The following C1QTNF3 variants were observed in gnomAD, a reference collection of about 807,000 sequenced individuals.
The protein encoded by C1QTNF3 is complement C1q tumor necrosis factor-related protein 3.
A neutral mutation model predicts 32.6 loss-of-function variants in C1QTNF3; 26 were observed. That is an observed-to-expected ratio of 0.80 (90% CI 0.58 to 1.11). The LOEUF (loss-of-function observed/expected upper bound fraction) is 1.11, where lower values mean the gene tolerates loss of function less well. Ranked by LOEUF, C1QTNF3 falls within the 50% of genes least tolerant of loss-of-function variation. The probability of loss-of-function intolerance (pLI) is 0.00; values close to 1 mark genes in which losing one functional copy is unlikely to be tolerated. For synonymous variants in C1QTNF3, 155 were observed against 146.0 expected, an observed-to-expected ratio of 1.06 and a Z score of -0.44; for missense variants, 362 against 398.2, an observed-to-expected ratio of 0.91 and a Z score of 0.77.
At chr5:34,123,216 C>A in the C1QTNF3 span, among the ~76,000 whole-genome samples, 1 of 152,108 alleles carries the variant, frequency 6.6e-6, no homozygotes, top group Non-Finnish European at 1.5e-5. Flanking sequence ...GCCAGCAGAG[C>A]CATGGGGGCA....
the C1QTNF3 span, among the ~76,000 whole-genome samples, chr5:34,162,132 TCATAA>T: frequency 3.9e-5 from 6 of 152,152 alleles, no homozygotes; most frequent in Admixed American, 6.6e-5. Flanking sequence ...CATTTTATAC[TCATAA>T]CAGACTCTCA....
the C1QTNF3 span, among the ~76,000 whole-genome samples, chr5:34,240,023 T>C: frequency 6.6e-6 from 1 of 152,152 alleles, no homozygotes; most frequent in Admixed American, 6.5e-5. Flanking sequence ...TCAAACAACT[T>C]TCTCCTGAAT....
intron 1 of C1QTNF3, among the ~76,000 whole-genome samples, chr5:34,040,255 C>A (rs762721153): frequency 1.3e-5 from 2 of 152,068 alleles, no homozygotes; most frequent in Non-Finnish European, 2.9e-5. Flanking sequence ...TTGCAGCATG[C>A]GAGAAAGAGT....
chr5:34,052,707 C>G, the C1QTNF3 span, among the ~76,000 whole-genome samples: 1 of 152,110 alleles, frequency 6.6e-6, no homozygotes, highest in African/African-American at 2.4e-5. Context: ...TGCCTGGCAC[C>G]CACTCACTGT....
At chr5:34,216,007 T>C in the C1QTNF3 span, among the ~76,000 whole-genome samples, 3 of 152,332 alleles carry the variant, frequency 2.0e-5, no homozygotes, top group African/African-American at 7.2e-5. Context: ...CTGTGATTAC[T>C]GTGGTCACCA....
chr5:34,021,755 G>A (rs901185664), intron 5 of C1QTNF3, among the ~76,000 whole-genome samples: 1 of 152,164 alleles, frequency 6.6e-6, no homozygotes, highest in Non-Finnish European at 1.5e-5. Flanking sequence ...CACACACCAG[G>A]ACCTGTGGCA....
At chr5:34,068,830 T>C in the C1QTNF3 span, among the ~76,000 whole-genome samples, 1 of 152,168 alleles carries the variant, frequency 6.6e-6, no homozygotes, top group Non-Finnish European at 1.5e-5. Context: ...CTTGGCAACA[T>C]AGGTATGTCC....
chr5:34,114,493 G>C, the C1QTNF3 span, among the ~76,000 whole-genome samples: 1 of 151,938 alleles, frequency 6.6e-6, no homozygotes, highest in South Asian at 2.1e-4. Flanking sequence ...AAATCACTGA[G>C]ACATCTATGT....
the C1QTNF3 span, among the ~76,000 whole-genome samples, chr5:34,205,422 T>C: frequency 3.2e-4 from 49 of 152,208 alleles, no homozygotes; most frequent in African/African-American, 8.9e-4. Flanking sequence ...TGGGAGGGGA[T>C]TGGATTATGG....
the C1QTNF3 span, among the ~76,000 whole-genome samples, chr5:34,121,775 T>TG: frequency 6.6e-6 from 1 of 152,152 alleles, no homozygotes; most frequent in East Asian, 1.9e-4. Flanking sequence ...CCCAAAATGA[T>TG]GGTATAAGGA....
At chr5:34,056,471 TATATATATAG>T in the C1QTNF3 span, among the ~76,000 whole-genome samples, 21 of 110,104 alleles carry the variant, frequency 1.9e-4, no homozygotes, top group Admixed American at 5.0e-4. Context: ...TATATATATA[TATATATATAG>T]AGAGAGAGAG....
the C1QTNF3 span, among the ~76,000 whole-genome samples, chr5:34,171,548 A>C: frequency 6.6e-6 from 1 of 152,088 alleles, no homozygotes; most frequent in Non-Finnish European, 1.5e-5. Flanking sequence ...TAACTTTCAC[A>C]TCTAAAACCA....
chr5:34,084,799 T>G, the C1QTNF3 span, among the ~76,000 whole-genome samples: 2 of 112,496 alleles, frequency 1.8e-5, no homozygotes, highest in South Asian at 5.1e-4. Context: ...GTTTTTTTTT[T>G]GTTTTTTTTG....
the C1QTNF3 span, among the ~76,000 whole-genome samples, chr5:34,113,062 T>G: frequency 1.3e-5 from 2 of 149,640 alleles, no homozygotes; most frequent in African/African-American, 4.9e-5. Context: ...AGACTTCTGT[T>G]ATATAAGAGA....
the C1QTNF3 span, among the ~76,000 whole-genome samples, chr5:34,119,395 C>A: frequency 0.059 from 8,939 of 152,228 alleles, 821 homozygotes; most frequent in African/African-American, 0.19. Context: ...GGACATAGTG[C>A]CATAGAGATT....
At chr5:34,193,612 TC>T in the C1QTNF3 span, 2 of 670,844 alleles carry the variant, frequency 3.0e-6, no homozygotes, top group East Asian at 3.1e-5. Context: ...GTTGGTTTTT[TC>T]TCTTTTTTTT....
At chr5:34,171,582 CA>C in the C1QTNF3 span, among the ~76,000 whole-genome samples, 2 of 152,030 alleles carry the variant, frequency 1.3e-5, no homozygotes, top group African/African-American at 4.8e-5. Context: ...AATAAGTTTA[CA>C]AGGAGACAGT....
the C1QTNF3 span, among the ~76,000 whole-genome samples, chr5:34,078,305 G>A: frequency 0.014 from 2,127 of 151,722 alleles, 53 homozygotes; most frequent in African/African-American, 0.05. The surrounding 1 kb of genome is among the most constrained non-coding windows in gnomAD (Gnocchi z 4.0). Flanking sequence ...ATCCACTTGT[G>A]TTAGTAAATT....
chr5:34,162,342 A>T, the C1QTNF3 span, among the ~76,000 whole-genome samples: 2 of 152,182 alleles, frequency 1.3e-5, no homozygotes, highest in African/African-American at 2.4e-5. Flanking sequence ...CATAATAACT[A>T]ACCCACTCCA....
Sources: allele counts gnomAD v4.1 joint callset (sites outside exome capture counted in the v4.1 genomes callset), GRCh38; gene constraint gnomAD v4.1.1; non-coding constraint Gnocchi (gnomAD v3.1); transcripts MANE v1.5; gene names NCBI Gene and HGNC (gene_info 2026-07-23, HGNC 2026-07-21).